NRXN1: variants seen among roughly 807,000 people sequenced by gnomAD.
NRXN1 encodes the protein neurexin-1.
A neutral mutation model predicts 150.9 loss-of-function variants in NRXN1; 39 were observed. The ratio of observed to expected loss-of-function variants is 0.26; its 90% CI spans 0.20 to 0.34. The LOEUF (loss-of-function observed/expected upper bound fraction) is 0.34, where lower values mean the gene tolerates loss of function less well. Among genes scored for constraint, NRXN1 ranks in the 10% least tolerant of loss-of-function variants. The pLI is 1.00. For synonymous variants in NRXN1, 924 were observed against 757.0 expected, an observed-to-expected ratio of 1.22 and a Z score of -3.62; for missense variants, 1,815 against 1,949.9, an observed-to-expected ratio of 0.93 and a Z score of 1.30.
At chr2:50,722,108 T>C (rs550063510) in intron 5 of NRXN1, among the ~76,000 whole-genome samples, 6 of 152,272 alleles carry the variant, frequency 3.9e-5, no homozygotes, top group South Asian at 2.1e-4. Context: ...TAGTATTCCA[T>C]AGACTCTATC....
chr2:50,894,668 T>C (rs1296949394), intron 5 of NRXN1, among the ~76,000 whole-genome samples: 1 of 152,132 alleles, frequency 6.6e-6, no homozygotes, highest in Non-Finnish European at 1.5e-5. Flanking sequence ...GCTAATATAA[T>C]GGTGAGCCAT....
intron 5 of NRXN1, among the ~76,000 whole-genome samples, chr2:50,867,149 C>T (rs530100196): frequency 9.2e-5 from 14 of 151,898 alleles, no homozygotes; most frequent in Non-Finnish European, 1.9e-4. Flanking sequence ...TGTTTTTTCA[C>T]TTGATGCATA....
At chr2:50,402,923 G>A (rs1014327652) in intron 17 of NRXN1, among the ~76,000 whole-genome samples, 1 of 152,020 alleles carries the variant, frequency 6.6e-6, no homozygotes, top group Admixed American at 6.6e-5. Flanking sequence ...AGGAGGAGGC[G>A]GAAATTACAC....
chr2:51,004,695 G>T (rs1317970859), intron 2 of NRXN1, among the ~76,000 whole-genome samples: 1 of 151,708 alleles, frequency 6.6e-6, no homozygotes, highest in African/African-American at 2.4e-5. Flanking sequence ...GGGACTCGGG[G>T]GTATGATTCT....
At chr2:50,927,771 T>A (rs922659743) in intron 2 of NRXN1, among the ~76,000 whole-genome samples, 9 of 151,998 alleles carry the variant, frequency 5.9e-5, no homozygotes, top group African/African-American at 9.7e-5. Context: ...CAAGACAGTA[T>A]GTCAATTGCT....
At chr2:49,943,907 T>A in intron 21 of NRXN1, 116 bp from the exon 22 acceptor site, 1 of 784,630 alleles carries the variant, frequency 1.3e-6, no homozygotes, top group South Asian at 1.5e-5. Context: ...ATTCACTATT[T>A]CCCTTTCTAA....
intron 18 of NRXN1, among the ~76,000 whole-genome samples, chr2:50,229,697 A>G (rs1440507605): frequency 6.6e-6 from 1 of 152,120 alleles, no homozygotes; most frequent in African/African-American, 2.4e-5. Flanking sequence ...TGCTCTTTTA[A>G]GCTTCTAAAT....
At chr2:50,675,470 A>G (rs563608509) in intron 5 of NRXN1, among the ~76,000 whole-genome samples, 1 of 152,270 alleles carries the variant, frequency 6.6e-6, no homozygotes, top group South Asian at 2.1e-4. Context: ...CAGGAAATCA[A>G]CTAGACTTGG....
At chr2:50,908,946 C>A (rs1168641602) in intron 5 of NRXN1, among the ~76,000 whole-genome samples, 1 of 151,926 alleles carries the variant, frequency 6.6e-6, no homozygotes, top group Admixed American at 6.6e-5. Context: ...GACTTCCCAG[C>A]CTGCAGAACT....
intron 17 of NRXN1, among the ~76,000 whole-genome samples, chr2:50,441,916 T>C (rs1416654027): frequency 2.0e-5 from 3 of 152,160 alleles, no homozygotes; most frequent in African/African-American, 4.8e-5. Flanking sequence ...GAAAGAATCA[T>C]GGGATGATAT....
At chr2:50,163,182 AT>A (rs2059466542) in intron 18 of NRXN1, among the ~76,000 whole-genome samples, 1 of 148,634 alleles carries the variant, frequency 6.7e-6, no homozygotes, top group Admixed American at 6.7e-5. Flanking sequence ...ATATATATAT[AT>A]ATAAAACAAT....
At chr2:50,524,127 A>G (rs2092876183) in intron 12 of NRXN1, among the ~76,000 whole-genome samples, 1 of 152,228 alleles carries the variant, frequency 6.6e-6, no homozygotes, top group African/African-American at 2.4e-5. Flanking sequence ...CACATAATGC[A>G]AACAAAACAA....
At chr2:50,826,354 G>C (rs549308144) in intron 5 of NRXN1, among the ~76,000 whole-genome samples, 2 of 152,098 alleles carry the variant, frequency 1.3e-5, no homozygotes, top group Non-Finnish European at 2.9e-5. Context: ...GAAAAGCAAA[G>C]ACAGGTAAAG....
intron 2 of NRXN1, among the ~76,000 whole-genome samples, chr2:51,014,083 G>A (rs1425539940): frequency 6.6e-6 from 1 of 152,010 alleles, no homozygotes; most frequent in Admixed American, 6.6e-5. Context: ...AAGGCATGAT[G>A]GGAAATTAGC....
intron 15 of NRXN1, among the ~76,000 whole-genome samples, chr2:50,494,129 C>G (rs2091424933): frequency 6.6e-6 from 1 of 152,176 alleles, no homozygotes; most frequent in African/African-American, 2.4e-5. Context: ...AGACAGTGTC[C>G]TAACTATCTG....
At chr2:50,586,414 C>A (rs892180351) in intron 8 of NRXN1, among the ~76,000 whole-genome samples, 1 of 152,118 alleles carries the variant, frequency 6.6e-6, no homozygotes, top group Non-Finnish European at 1.5e-5. Context: ...GTGTCTGTCT[C>A]CTTCCAGTAT....
chr2:50,155,191 T>C (rs981475819), intron 18 of NRXN1, among the ~76,000 whole-genome samples: 2 of 151,658 alleles, frequency 1.3e-5, no homozygotes, highest in Non-Finnish European at 3.0e-5. Flanking sequence ...GACACTAAAA[T>C]ACTATCCAGT....
intron 17 of NRXN1, among the ~76,000 whole-genome samples, chr2:50,430,017 A>G (rs2104358420): frequency 6.6e-6 from 1 of 152,300 alleles, no homozygotes; most frequent in Middle Eastern, 3.4e-3. Flanking sequence ...ACACTCTGTC[A>G]CACACATTTA....
At chr2:50,353,332 C>A (rs1572648001) in intron 17 of NRXN1, among the ~76,000 whole-genome samples, 2 of 152,100 alleles carry the variant, frequency 1.3e-5, no homozygotes, top group African/African-American at 4.8e-5. Flanking sequence ...AATATGCCAT[C>A]TTTTAATCAC....
Sources: gnomAD v4.1 joint callset for allele counts (sites outside exome capture counted in the v4.1 genomes callset) on GRCh38, gnomAD v4.1.1 for gene constraint, MANE v1.5 for transcripts, NCBI Gene and HGNC (gene_info 2026-07-23, HGNC 2026-07-21) for gene names.